Variants in COL6A3 observed in about 807,000 individuals in gnomAD.
The protein encoded by COL6A3 is collagen alpha-3(VI) chain.
A neutral mutation model predicts 274.1 loss-of-function variants in COL6A3; 137 were observed. The ratio of observed to expected loss-of-function variants is 0.50; its 90% CI spans 0.44 to 0.58. COL6A3 has a LOEUF of 0.58. Among genes scored for constraint, COL6A3 ranks in the 20% least tolerant of loss-of-function variants. The pLI is 0.00. For synonymous variants in COL6A3, 1,650 were observed against 1,650.6 expected (o/e 1.00, Z 0.01); for missense variants, 3,950 against 4,124.9 (o/e 0.96, Z 1.16).
At position 237,357,323 on chromosome 2, in the gene COL6A3, C is replaced by A. The variant is rs1206335610; in HGVS notation, c.6591+15G>T. ...GAATTGTCACAGAGCCCCCCAAAGC[C>A]CTAATGGCACTCACATTCTTCCCAG... On this transcript the variant is annotated intron_variant, in intron 23 of 43. Transcript: ENST00000295550. The A allele has an allele frequency of 2.5e-6, 4 of 1,613,084 alleles. No individual in the cohort carries two copies. The highest frequency in any genetic ancestry group is 1.1e-5 in the South Asian group (1 of 91,058).
intron 42 of COL6A3, chr2:237,333,240 T>C: frequency 1.6e-6 from 1 of 608,736 alleles, no homozygotes; most frequent in Non-Finnish European, 2.9e-6. Flanking sequence ...CATCAAATTT[T>C]CACTGAGTCT....
chr2:237,347,923 T>A (rs748847645), intron 30 of COL6A3, 54 bp from the exon 31 acceptor site: 81 of 1,522,770 alleles, frequency 5.3e-5, no homozygotes, highest in Non-Finnish European at 6.6e-5. Context: ...AAGATCTCAC[T>A]GAGGGTCCGT....
At chr2:237,341,331 G>A (rs1393567811) in intron 37 of COL6A3, among the ~76,000 whole-genome samples, 181 bp from the exon 38 acceptor site, 4 of 152,066 alleles carry the variant, frequency 2.6e-5, no homozygotes. Flanking sequence ...GGATCACGAG[G>A]TCAAGAGATC....
rs185814111 is a variant in COL6A3 at position 237,406,089 on chromosome 2, C to T, written c.-31+7864G>A. On this transcript the variant is annotated intron_variant, in intron 1 of 43. Coordinates refer to ENST00000295550, the MANE Select transcript of COL6A3 (RefSeq NM_004369.4). ...AAAAAGGATTTGAGGTGCCTTTTTC[C>T]GTTTAGTTTCTATCCCTTTGAAATT... is the stretch of plus-strand genomic sequence containing the variant. 2.4e-3 allele frequency among the ~76,000 whole-genome samples: 364 copies of T among 152,076 alleles called. 11 individuals are homozygous for T. Among genetic ancestry groups the T allele is most frequent in the East Asian group, 1.9e-4 (1 of 5,166 alleles).
chr2:237,347,570 G>C (rs1015397936), intron 31 of COL6A3, among the ~76,000 whole-genome samples: 2 of 152,170 alleles, frequency 1.3e-5, no homozygotes, highest in African/African-American at 4.8e-5. Flanking sequence ...AGCTGGGCTG[G>C]CGACCCTGGA....
chr2:237,345,370 C>A (rs193001378), intron 32 of COL6A3, among the ~76,000 whole-genome samples, 157 bp from the exon 33 acceptor site: 99 of 151,986 alleles, frequency 6.5e-4, no homozygotes, highest in Middle Eastern at 3.4e-3. Flanking sequence ...TTATCCCTTG[C>A]AAAGCAAAAA....
chr2:237,391,504 C>CTGTTTGTG (rs1252803741), intron 3 of COL6A3, among the ~76,000 whole-genome samples: 5 of 150,050 alleles, frequency 3.3e-5, no homozygotes, highest in Admixed American at 6.6e-5. Context: ...GTCCCTTTCA[C>CTGTTTGTG]TGTTTGTTTG....
chr2:237,392,627 C>T (rs1280089066), intron 3 of COL6A3, among the ~76,000 whole-genome samples: 1 of 152,238 alleles, frequency 6.6e-6, no homozygotes, highest in Non-Finnish European at 1.5e-5. Context: ...TTCCCCTATG[C>T]CATGTGGTTG....
intron 3 of COL6A3, 91 bp downstream of exon 3, chr2:237,394,496 C>T: frequency 1.3e-6 from 2 of 1,553,428 alleles, no homozygotes; most frequent in East Asian, 4.5e-5. Context: ...GGCCCACCCG[C>T]CATCCTAGCT....
chr2:237,355,103 A>G, intron 23 of COL6A3, 169 bp from the exon 24 acceptor site: 1 of 617,896 alleles, frequency 1.6e-6, no homozygotes, highest in South Asian at 2.2e-5. Context: ...AGCCCTGGGG[A>G]AACTCGCACA....
rs781663572 is a variant in COL6A3 at position 237,347,790 on chromosome 2, G to A, written c.7029+17C>T. 1 of 1,606,532 alleles carries A rather than the reference G, an allele frequency of 6.2e-7. No individual in the cohort carries two copies. Among genetic ancestry groups the A allele is most frequent in the Non-Finnish European group, 8.5e-7 (1 of 1,175,998 alleles). On this transcript the variant is annotated intron_variant, in intron 31 of 43. Coordinates refer to ENST00000295550, the MANE Select transcript of COL6A3 (RefSeq NM_004369.4). Reference sequence around the variant, plus strand: ...GTTCTCATTCCTCACCTGCAGCCAAGGCCCACGCAAACTTACCCTTCGGCC... The same window carrying A: ...GTTCTCATTCCTCACCTGCAGCCAAAGCCCACGCAAACTTACCCTTCGGCC...
At chr2:237,388,268 T>C in intron 3 of COL6A3, 84 bp from the exon 4 acceptor site, 1 of 1,564,178 alleles carries the variant, frequency 6.4e-7, no homozygotes, top group Non-Finnish European at 8.8e-7. Context: ...CATGTTTCTT[T>C]GGAAACCAAT....
In COL6A3 at chr2:237,365,753, T is replaced by C. The variant is rs2077535521; in HGVS notation, c.5783A>G (p.Asp1928Gly). The C allele has an allele frequency of 6.2e-7, 1 of 1,614,200 alleles. No individual in the cohort carries two copies. Residue 1928 changes from aspartate (D) to glycine (G), a missense_variant, in exon 12 of 44, where the codon GAC becomes GGC. This residue lies in a region of COL6A3 where 632 missense variants were observed against 623.4 expected (regional missense o/e 1.01). Transcript: ENST00000295550. Reference protein sequence around the residue: ...RSQHPYVLTEDTLKVYLNKFR... With the variant: ...RSQHPYVLTEGTLKVYLNKFR... The stretch of plus-strand genomic sequence containing the variant: ...CTTGTTCAGGTAGACCTTCAGGGTG[T>C]CCTCCGTGAGGACGTAGGGGTGCTG...
rs772599010 is a variant in COL6A3 at position 237,407,347 on chromosome 2, G to C, written c.-31+6606C>G. On this transcript the variant is annotated intron_variant, in intron 1 of 43. Transcript: ENST00000295550. This position sits in a 1 kb window ranked among gnomAD's most constrained non-coding sequence, Gnocchi z 4.3. Reference sequence around the variant, plus strand: ...ACTAGACCTCCTTTGTCACCTACTGGGGTCCTTTGTCACTTACGGGGGTCC... The same window carrying C: ...ACTAGACCTCCTTTGTCACCTACTGCGGTCCTTTGTCACTTACGGGGGTCC... 6.6e-6 allele frequency among the ~76,000 whole-genome samples: 1 copy of C among 152,114 alleles called. No homozygotes were observed. Among genetic ancestry groups the C allele is most frequent in the Non-Finnish European group, 1.5e-5 (1 of 68,034 alleles).
intron 12 of COL6A3, among the ~76,000 whole-genome samples, chr2:237,365,009 C>T (rs993457529): frequency 1.3e-5 from 2 of 150,604 alleles, no homozygotes; most frequent in African/African-American, 4.9e-5. Flanking sequence ...ACCCCAGTAC[C>T]GTAAGAATGG....
chr2:237,373,406 G>A (rs551229409), intron 8 of COL6A3, among the ~76,000 whole-genome samples: 2 of 152,228 alleles, frequency 1.3e-5, no homozygotes, highest in South Asian at 4.1e-4. Context: ...TTATCCCACT[G>A]TTGCCCAAAT....
rs372697731 is a variant in COL6A3, at chr2:237,358,574, C to T, written c.6418G>A (p.Gly2140Arg). The T allele has an allele frequency of 6.2e-7, 1 of 1,613,824 alleles. No individual in the cohort carries two copies. The highest frequency in any genetic ancestry group is 8.5e-7 in the Non-Finnish European group (1 of 1,179,770). ...KGNPGRRGDK[G>R]PRGEKGERGD... ...CTTTCTCCTTTCTCTCCTCGAGGTC[C>T]TTTATCACCCTAAAGAAAAAGCACA... is the stretch of plus-strand genomic sequence containing the variant. The change falls in exon 21 of 44, where the codon GGA becomes AGA. Residue 2140 changes from glycine to arginine, a missense_variant. Gly to Arg is a moderately radical substitution (Grantham distance 125). Coordinates refer to ENST00000295550, the MANE Select transcript of COL6A3 (RefSeq NM_004369.4).
intron 40 of COL6A3, 74 bp from the exon 41 acceptor site, chr2:237,334,963 A>G: frequency 2.6e-6 from 4 of 1,556,170 alleles, no homozygotes; most frequent in Non-Finnish European, 3.5e-6. Flanking sequence ...GAGAGAGGAA[A>G]TCTGAAAGGG....
At chr2:237,403,228 C>G (rs758118805) in intron 1 of COL6A3, among the ~76,000 whole-genome samples, 5 of 152,100 alleles carry the variant, frequency 3.3e-5, no homozygotes, top group African/African-American at 9.7e-5. Context: ...CCAAATCTTG[C>G]GGCCCAGCTA....
Sources: gnomAD v4.1 joint callset for allele counts (sites outside exome capture counted in the v4.1 genomes callset) on GRCh38, gnomAD v4.1.1 for gene constraint, gnomAD v4.1.1 regional missense constraint, Gnocchi (gnomAD v3.1) non-coding constraint, MANE v1.5 for transcripts, NCBI Gene and HGNC (gene_info 2026-07-23, HGNC 2026-07-21) for gene names.